PCDHGB5: variants seen among roughly 807,000 people sequenced by gnomAD.
PCDHGB5 encodes the protein protocadherin gamma-B5.
Under a neutral mutation model 62.9 loss-of-function variants are expected in PCDHGB5, and 48 were observed. The observed-to-expected ratio is 0.76, with a 90% CI of 0.61 to 0.97. The LOEUF is 0.97. Among genes scored for constraint, PCDHGB5 ranks in the 50% least tolerant of loss-of-function variants. The pLI, the probability that PCDHGB5 is intolerant of heterozygous loss-of-function variation, is 0.00. For missense variants in PCDHGB5, 1,118 were observed against 1,198.6 expected (o/e 0.93, Z 0.99); for synonymous variants, 474 against 511.2 (o/e 0.93, Z 0.98).
At position 141,455,318 on chromosome 5, in the gene PCDHGB5, G is replaced by A. The variant is rs534507768; in HGVS notation, c.2398-39489G>A. On this transcript the variant is annotated intron_variant, in intron 1 of 3. Transcript: ENST00000617380. ...TTTCATCTTGCATTAGCAATTTTGT[G>A]TGTGTGTTTGTGGTTTTAAGGAGCG... is the stretch of plus-strand genomic sequence containing the variant. Among the ~76,000 whole-genome samples the A allele has an allele frequency of 2.4e-4, 37 of 152,186 alleles. No individual in the cohort carries two copies. The South Asian group carries it at 5.6e-3, about 23-fold the overall frequency.
At chr5:141,409,429 C>T (rs767514268) in intron 1 of PCDHGB5, 3 of 1,613,872 alleles carry the variant, frequency 1.9e-6, no homozygotes, top group African/African-American at 1.3e-5. Flanking sequence ...CAGATGGAGC[C>T]CTGGACCGAG....
intron 1 of PCDHGB5, chr5:141,415,542 T>C (rs770960227): frequency 1.2e-5 from 19 of 1,614,056 alleles, no homozygotes; most frequent in Non-Finnish European, 9.3e-6. Context: ...AGGAGAGCTG[T>C]GAGAAAAACG....
intron 1 of PCDHGB5, among the ~76,000 whole-genome samples, chr5:141,453,101 T>TTTTTG (rs879618609): frequency 3.2e-4 from 49 of 152,130 alleles, no homozygotes; most frequent in Middle Eastern, 6.8e-3. Flanking sequence ...TTCTGTTGCT[T>TTTTTG]TTTTGTTTTG....
Position 141,512,160 on chromosome 5 carries a change from G to A in PCDHGB5, c.*987G>A, listed in dbSNP as rs1227447365. On this transcript the variant is annotated 3_prime_UTR_variant, in exon 4 of 4. Coordinates refer to ENST00000617380, the MANE Select transcript of PCDHGB5 (RefSeq NM_018925.3). ...CAGCCAGCTTTGGGCTGAGCTAACA[G>A]GACCAATGGATTAAACTGGCATTTC... 1 of 152,730 alleles carries A rather than the reference G, an allele frequency of 6.5e-6. No individual in the cohort carries two copies. Among genetic ancestry groups the A allele is most frequent in the African/African-American group, 2.4e-5 (1 of 41,456 alleles). The allele number at this position is 152,730 out of a possible 1,614,324, so 9.5% of individuals were successfully genotyped here.
At chr5:141,473,902 G>C (rs1593464039) in intron 1 of PCDHGB5, among the ~76,000 whole-genome samples, 1 of 152,240 alleles carries the variant, frequency 6.6e-6, no homozygotes, top group South Asian at 2.1e-4. Context: ...GGTTCATGAA[G>C]AGGTCTTAAG....
At chr5:141,413,498 T>G (rs1187570193) in intron 1 of PCDHGB5, 1 of 1,614,026 alleles carries the variant, frequency 6.2e-7, no homozygotes, top group Admixed American at 1.7e-5. Context: ...CGGTGCGTGG[T>G]GAGTTTTAAT....
chr5:141,427,192 A>G (rs1191677237), intron 1 of PCDHGB5: 2 of 456,566 alleles, frequency 4.4e-6, no homozygotes, highest in African/African-American at 4.0e-5. Flanking sequence ...AAATCCAAAG[A>G]CTTAATAGAC....
chr5:141,432,362 C>T lies in PCDHGB5; in HGVS notation c.2397+31838C>T. On this transcript the variant is annotated intron_variant, in intron 1 of 3. Transcript: ENST00000617380. The surrounding 1 kb of genome is among the most constrained non-coding windows in gnomAD (Gnocchi z 6.0). ...AGACTTGCAAGTGAAAGTGATGGCG[C>T]GGGACAACGGGCACCCGCCCCTCAG... 2 of 1,614,218 alleles carry T rather than the reference C, an allele frequency of 1.2e-6. No homozygotes were observed. Among genetic ancestry groups the T allele is most frequent in the South Asian group, 2.2e-5 (2 of 91,082 alleles).
At chr5:141,418,418 G>C (rs1366605966) in intron 1 of PCDHGB5, 1 of 1,613,998 alleles carries the variant, frequency 6.2e-7, no homozygotes, top group East Asian at 2.2e-5. Flanking sequence ...AGACAATCCT[G>C]ATGGTGGCAA....
rs1330659052 is a variant in PCDHGB5, at chr5:141,490,012, G to T, written c.2398-4795G>T. On this transcript the variant is annotated intron_variant, in intron 1 of 3. Transcript: ENST00000617380. The surrounding 1 kb of genome is among the most constrained non-coding windows in gnomAD (Gnocchi z 5.4). ...GGGAATCCCAGAGAATGCACCCATT[G>T]GTACTCTGCTGCTCCGCCTCAATGC... The T allele has an allele frequency of 1.2e-6, 2 of 1,614,232 alleles. No homozygotes were observed. Among genetic ancestry groups the T allele is most frequent in the East Asian group, 4.5e-5 (2 of 44,888 alleles).
intron 1 of PCDHGB5, among the ~76,000 whole-genome samples, chr5:141,461,253 C>A (rs1358900194): frequency 6.6e-6 from 1 of 152,108 alleles, no homozygotes; most frequent in Non-Finnish European, 1.5e-5. Flanking sequence ...ATATTCCCAG[C>A]AGCAATGTGT....
At chr5:141,460,455 A>G (rs1021070289) in intron 1 of PCDHGB5, among the ~76,000 whole-genome samples, 2 of 152,080 alleles carry the variant, frequency 1.3e-5, no homozygotes, top group African/African-American at 4.8e-5. Context: ...GAAGATTCAT[A>G]TTTTTTTCCA....
chr5:141,408,796 A>G (rs2154540634), intron 1 of PCDHGB5: 1 of 1,612,808 alleles, frequency 6.2e-7, no homozygotes, highest in Non-Finnish European at 8.5e-7. Context: ...CTCTGGAGAA[A>G]CTCCTAGACC....
At chr5:141,430,950 T>C (rs756423770) in intron 1 of PCDHGB5, 5 of 1,609,980 alleles carry the variant, frequency 3.1e-6, no homozygotes, top group East Asian at 2.2e-5. Flanking sequence ...GAGCGCGGAG[T>C]CCGCATCATC....
rs1314264090 is a variant in PCDHGB5, at chr5:141,490,459, C to T, written c.2398-4348C>T. 7 of 1,614,100 alleles carry T rather than the reference C, an allele frequency of 4.3e-6. No homozygotes were observed. Among genetic ancestry groups the T allele is most frequent in the Non-Finnish European group, 5.9e-6 (7 of 1,180,040 alleles). ...GCCTTCTGAGAACCACTACTCGCTG[C>T]TAACCAGCCAGCCTTTGGACCGGGA... On this transcript the variant is annotated intron_variant, in intron 1 of 3. Coordinates refer to ENST00000617380, the MANE Select transcript of PCDHGB5 (RefSeq NM_018925.3). The surrounding 1 kb of genome is among the most constrained non-coding windows in gnomAD (Gnocchi z 5.4).
chr5:141,475,929 C>A, intron 1 of PCDHGB5: 1 of 634,624 alleles, frequency 1.6e-6, no homozygotes, highest in Non-Finnish European at 2.7e-6. Context: ...GGAGATCGGG[C>A]CCCTGCCCGT....
rs369354938 is a variant in PCDHGB5, at chr5:141,404,125, T to C, written c.2397+3601T>C. 7.5e-4 allele frequency: 1,204 copies of C among 1,613,214 alleles called. 1 individual carries two copies. The highest frequency in any genetic ancestry group is 8.4e-4 in the Non-Finnish European group (986 of 1,179,494). On this transcript the variant is annotated intron_variant, in intron 1 of 3. Coordinates refer to ENST00000617380, the MANE Select transcript of PCDHGB5 (RefSeq NM_018925.3). Reference sequence around the variant, plus strand: ...TCTGTTCTATCCAGGAGAATCTATCTTTTACATTAGAAAATTCAGAAGAAG... The same window carrying C: ...TCTGTTCTATCCAGGAGAATCTATCCTTTACATTAGAAAATTCAGAAGAAG...
At chr5:141,466,574 T>C (rs978880367) in intron 1 of PCDHGB5, among the ~76,000 whole-genome samples, 5 of 152,218 alleles carry the variant, frequency 3.3e-5, no homozygotes, top group Non-Finnish European at 5.9e-5. Flanking sequence ...CAACATTGTC[T>C]CATCCCTTCT....
chr5:141,463,438 C>CTTTTTTTT (rs71576115), intron 1 of PCDHGB5, among the ~76,000 whole-genome samples: 3 of 103,252 alleles, frequency 2.9e-5, no homozygotes, highest in African/African-American at 8.9e-5. Context: ...TTTCCTTCTC[C>CTTTTTTTT]TTTTTTTTTT....
Sources: gnomAD v4.1 joint callset for allele counts (sites outside exome capture counted in the v4.1 genomes callset) on GRCh38, gnomAD v4.1.1 for gene constraint, Gnocchi (gnomAD v3.1) non-coding constraint, MANE v1.5 for transcripts, NCBI Gene and HGNC (gene_info 2026-07-23, HGNC 2026-07-21) for gene names.